The following MBL2 variants were observed in gnomAD, a reference collection of about 807,000 sequenced individuals.
MBL2 encodes mannose-binding protein C.
MBL2 carries 6 observed loss-of-function variants against 12.7 expected under a neutral mutation model. The ratio of observed to expected loss-of-function variants is 0.47; its 90% CI spans 0.26 to 0.94. The LOEUF is 0.94. Among genes scored for constraint, MBL2 ranks in the 40% least tolerant of loss-of-function variants. The pLI is 0.15. For synonymous variants in MBL2, 114 were observed against 112.0 expected, an observed-to-expected ratio of 1.02 and a Z score of -0.11; for missense variants, 307 against 295.2, an observed-to-expected ratio of 1.04 and a Z score of -0.29.
intron 1 of MBL2, 77 bp downstream of exon 1, chr10:52,772,660 T>A: frequency 3.0e-4 from 199 of 654,268 alleles, no homozygotes; most frequent in Middle Eastern, 7.7e-4. Context: ...GAAAGCCTCC[T>A]CCATGCCTCC....
At position 52,768,503 on chromosome 10, in the gene MBL2, G is replaced by C; in HGVS notation, c.381C>G (p.Thr127=). 1.3e-6 allele frequency: 2 copies of C among 1,564,484 alleles called. No homozygotes were observed. The highest frequency in any genetic ancestry group is 2.7e-5 in the African/African-American group (2 of 73,148). The change falls in exon 5 of 5, where the codon ACC becomes ACG. Residue 127 remains threonine, a synonymous_variant. Coordinates refer to ENST00000674931, the MANE Select transcript of MBL2 (RefSeq NM_001378373.1). ...TEMARIKKWL[T]FSLGKQVGNK... ...TCCCAACTTGTTTGCCCAGAGAGAA[G>C]GTGAGCCCTAAAATGTGAAAAAGTG... is the stretch of plus-strand genomic sequence containing the variant.
intron 2 of MBL2, among the ~76,000 whole-genome samples, 158 bp downstream of exon 2, chr10:52,771,291 G>A (rs1564436527): frequency 1.3e-5 from 2 of 152,170 alleles, no homozygotes; most frequent in African/African-American, 2.4e-5. Context: ...CTGCTGTGTG[G>A]AATTCTGAGA....
chr10:52,769,050 T>G (rs558381473), intron 4 of MBL2, among the ~76,000 whole-genome samples, 197 bp downstream of exon 4: 1 of 152,152 alleles, frequency 6.6e-6, no homozygotes, highest in African/African-American at 2.4e-5. Flanking sequence ...CTGCCATTTA[T>G]TAGCTCTGTG....
In MBL2 at chr10:52,768,221, A is replaced by G. The variant is rs778653927; in HGVS notation, c.663T>C (p.Asp221=). The change falls in exon 5 of 5, where the codon GAT becomes GAC. Residue 221 remains aspartate, a synonymous_variant. Transcript: ENST00000674931. ...GEPNNAGSDE[D]CVLLLKNGQW... is the part of the protein sequence containing the mutation. The stretch of plus-strand genomic sequence containing the variant: ...GGCCATTTTTCAGTAGCAATACACA[A>G]TCTTCATCAGAACCAGCATTGTTGG... The G allele has an allele frequency of 4.2e-5, 68 of 1,613,694 alleles. No homozygotes were observed. In the East Asian group the frequency reaches 4.5e-4, roughly 11 times the overall value.
At chr10:52,768,569 CT>C (rs1211328200) in intron 4 of MBL2, 59 bp from the exon 5 acceptor site, 1 of 1,344,678 alleles carries the variant, frequency 7.4e-7, no homozygotes, top group Admixed American at 2.5e-5. Flanking sequence ...CAAGGTATTT[CT>C]CAAGAAAAAG....
chr10:52,766,815 G>A lies in MBL2; in HGVS notation c.*1322C>T, dbSNP rs1840311646. 1 of 150,576 alleles carries A rather than the reference G, an allele frequency of 6.6e-6. No individual in the cohort carries two copies. Among genetic ancestry groups the A allele is most frequent in the Non-Finnish European group, 1.5e-5 (1 of 67,992 alleles). The allele number at this position is 150,576 out of a possible 1,614,324, so 9.3% of individuals were successfully genotyped here. A position where few individuals can be genotyped will look rare whatever the true frequency, so the allele number is the denominator to read the frequency against. ...TTAAAAATCAGTAAGAAAAATATTG[G>A]CTAACTAATTTAAACAAAATACAAA... On this transcript the variant is annotated 3_prime_UTR_variant, in exon 5 of 5. Coordinates refer to ENST00000674931, the MANE Select transcript of MBL2 (RefSeq NM_001378373.1).
intron 3 of MBL2, 59 bp from the exon 4 acceptor site, chr10:52,769,374 T>A: frequency 1.0e-6 from 1 of 972,942 alleles, no homozygotes. Context: ...GAACTGTGCA[T>A]ATACAAGGGA....
Position 52,768,481 on chromosome 10 carries a change from C to A in MBL2, c.403G>T (p.Gly135Trp). Residue 135 changes from glycine (G) to tryptophan (W), a missense_variant, in exon 5 of 5, where the codon GGG becomes TGG. Coordinates refer to ENST00000674931, the MANE Select transcript of MBL2 (RefSeq NM_001378373.1). ...WLTFSLGKQV[G>W]NKFFLTNGEI... ...CCATTGGTCAGGAAGAACTTGTTCC[C>A]AACTTGTTTGCCCAGAGAGAAGGTG... is the stretch of plus-strand genomic sequence containing the variant. The A allele has an allele frequency of 6.3e-7, 1 of 1,585,462 alleles. No individual in the cohort carries two copies.
At chr10:52,769,816 C>A (rs1840364219) in intron 3 of MBL2, among the ~76,000 whole-genome samples, 1 of 152,106 alleles carries the variant, frequency 6.6e-6, no homozygotes, top group Admixed American at 6.5e-5. Context: ...TTGTGAGTTG[C>A]CCATTATCCA....
Position 52,771,516 on chromosome 10 carries a change from A to G in MBL2, c.120T>C (p.Ser40=). 2 of 1,613,918 alleles carry G rather than the reference A, an allele frequency of 1.2e-6. No homozygotes were observed. The highest frequency in any genetic ancestry group is 1.7e-6 in the Non-Finnish European group (2 of 1,179,872). The change falls in exon 2 of 5, where the codon TCT becomes TCC. Residue 40 remains serine, a synonymous_variant. Coordinates refer to ENST00000674931, the MANE Select transcript of MBL2 (RefSeq NM_001378373.1). ...TGCCTGGGAAGCCGTTGATGCCTGGAGAGCTACAGGCAATCACTGCAGGGC... is the reference window on the plus strand; with the variant it reads ...TGCCTGGGAAGCCGTTGATGCCTGGGGAGCTACAGGCAATCACTGCAGGGC... ...KTCPAVIACS[S]PGINGFPGKD...
Position 52,766,661 on chromosome 10 carries a change from T to C in MBL2, c.*1476A>G, listed in dbSNP as rs1420936978. 2 of 152,116 alleles carry C rather than the reference T, an allele frequency of 1.3e-5. No homozygotes were observed. The highest frequency in any genetic ancestry group is 2.9e-5 in the Non-Finnish European group (2 of 67,994). 9.4% of individuals were successfully genotyped at this position (152,116 alleles called of 1,614,324 possible). ...AAAGCACTAATTTTGAAAGAAAATATGAATAAATAAGACTTTCTCAAAATT... is the reference window on the plus strand; with the variant it reads ...AAAGCACTAATTTTGAAAGAAAATACGAATAAATAAGACTTTCTCAAAATT... On this transcript the variant is annotated 3_prime_UTR_variant, in exon 5 of 5. Coordinates refer to ENST00000674931, the MANE Select transcript of MBL2 (RefSeq NM_001378373.1).
chr10:52,772,631 C>T, intron 1 of MBL2, 106 bp downstream of exon 1: 1 of 503,180 alleles, frequency 2.0e-6, no homozygotes, highest in Non-Finnish European at 2.6e-6. Context: ...TGCTTTCCAT[C>T]CCACTCCCCC....
At chr10:52,768,953 A>G (rs767013962) in intron 4 of MBL2, among the ~76,000 whole-genome samples, 10 of 152,044 alleles carry the variant, frequency 6.6e-5, no homozygotes, top group South Asian at 2.1e-4. Context: ...CAACAAAGGG[A>G]TATAAGTCCC....
Position 52,768,139 on chromosome 10 carries a change from A to G in MBL2, c.745T>C (p.Ter249ArgextTer42). The G allele has an allele frequency of 6.3e-7, 1 of 1,599,390 alleles. No individual in the cohort carries two copies. The highest frequency in any genetic ancestry group is 8.5e-7 in the Non-Finnish European group (1 of 1,172,548). Residue 249 changes from the stop codon to arginine, a stop_lost, in exon 5 of 5, where the codon TGA becomes CGA. Coordinates refer to ENST00000674931, the MANE Select transcript of MBL2 (RefSeq NM_001378373.1). ...GAGGGCCTGAGTGATATGACCCTTC[A>G]GATAGGGAACTCACAGACGGCCAGA... ...SHLAVCEFPI[*>R]
At chr10:52,769,215 A>C in intron 4 of MBL2, 32 bp downstream of exon 4, 1 of 1,494,028 alleles carries the variant, frequency 6.7e-7, no homozygotes, top group Non-Finnish European at 9.1e-7. Flanking sequence ...CCCAAACTTC[A>C]AGCTGCCTGG....
At chr10:52,771,073 C>G (rs1840383874) in intron 2 of MBL2, among the ~76,000 whole-genome samples, 1 of 152,202 alleles carries the variant, frequency 6.6e-6, no homozygotes, top group Non-Finnish European at 1.5e-5. Context: ...CTGGATCTCC[C>G]TGTAAACAGA....
intron 2 of MBL2, among the ~76,000 whole-genome samples, chr10:52,771,170 G>A (rs1840386404): frequency 6.6e-6 from 1 of 152,086 alleles, no homozygotes; most frequent in Non-Finnish European, 1.5e-5. Context: ...GAAGTGAATA[G>A]GGGTCTGACA....
At chr10:52,772,379 C>G (rs915808326) in intron 1 of MBL2, among the ~76,000 whole-genome samples, 1 of 152,158 alleles carries the variant, frequency 6.6e-6, no homozygotes, top group East Asian at 1.9e-4. Context: ...AAACCACTGG[C>G]AATTAGAAAA....
intron 1 of MBL2, among the ~76,000 whole-genome samples, chr10:52,772,360 G>C (rs1345281694): frequency 6.6e-6 from 1 of 152,120 alleles, no homozygotes; most frequent in Non-Finnish European, 1.5e-5. Context: ...CCCATGTTCT[G>C]TGAGTCAAAA....
Sources: allele counts gnomAD v4.1 joint callset (sites outside exome capture counted in the v4.1 genomes callset), GRCh38; gene constraint gnomAD v4.1.1; transcripts MANE v1.5; gene names NCBI Gene and HGNC (gene_info 2026-07-23, HGNC 2026-07-21).